Variants in FAM229B observed in about 807,000 individuals in gnomAD.
The protein encoded by FAM229B is protein FAM229B.
FAM229B carries 2 observed loss-of-function variants against 6.7 expected under a neutral mutation model. The ratio of observed to expected loss-of-function variants is 0.30; its 90% CI spans 0.12 to 0.94. The LOEUF (loss-of-function observed/expected upper bound fraction) is 0.94. Among genes scored for constraint, FAM229B ranks in the 40% least tolerant of loss-of-function variants. FAM229B has a pLI of 0.54. For missense variants in FAM229B, 93 were observed against 96.2 expected, an observed-to-expected ratio of 0.97 and a Z score of 0.14; for synonymous variants, 29 against 34.0, an observed-to-expected ratio of 0.85 and a Z score of 0.51.
intron 1 of FAM229B, among the ~76,000 whole-genome samples, chr6:112,088,684 TCTTAA>T (rs1777213734): frequency 6.6e-6 from 1 of 152,198 alleles, no homozygotes; most frequent in Admixed American, 6.5e-5. Context: ...CTGGATTTAT[TCTTAA>T]CTTCTTACTG....
rs180721761 is a variant in FAM229B, at chr6:112,098,676, A to G, written c.-14-594A>G. The stretch of plus-strand genomic sequence containing the variant: ...ATGAATAATCCCCTGGAACTGAAGG[A>G]TTAGCTAAAGATATCTTGGTGAATG... On this transcript the variant is annotated intron_variant, in intron 2 of 3. Transcript: ENST00000368656. 6.0e-4 allele frequency among the ~76,000 whole-genome samples: 91 copies of G among 152,330 alleles called. 3 individuals carry two copies. The East Asian group carries it at 0.014, about 23-fold the overall frequency.
At chr6:112,096,204 A>G (rs1335836681) in intron 1 of FAM229B, among the ~76,000 whole-genome samples, 2 of 152,296 alleles carry the variant, frequency 1.3e-5, no homozygotes, top group African/African-American at 4.8e-5. Flanking sequence ...AGTTAGAGAA[A>G]TGAGCAGAGA....
chr6:112,090,931 G>A (rs1234984129), intron 1 of FAM229B, among the ~76,000 whole-genome samples: 1 of 152,114 alleles, frequency 6.6e-6, no homozygotes, highest in Non-Finnish European at 1.5e-5. Flanking sequence ...ACCATGCTAT[G>A]TAATAGATCT....
chr6:112,094,441 C>T (rs1554318472), intron 1 of FAM229B, among the ~76,000 whole-genome samples: 4 of 152,050 alleles, frequency 2.6e-5, no homozygotes, highest in South Asian at 2.1e-4. Context: ...TTTTTATTGT[C>T]TTTACTAGCA....
intron 2 of FAM229B, 35 bp from the exon 3 acceptor site, chr6:112,099,235 A>T (rs1554318960): frequency 3.8e-6 from 6 of 1,573,800 alleles, no homozygotes; most frequent in Non-Finnish European, 5.2e-6. Flanking sequence ...TAATTTTCTA[A>T]TCTAGGTTTT....
rs1331738946 is a variant in FAM229B at position 112,097,206 on chromosome 6, GTCTATTTATCCTTGA to G, written c.-15+8_-15+22del. 11 of 152,190 alleles carry G rather than the reference GTCTATTTATCCTTGA, an allele frequency of 7.2e-5. No individual in the cohort carries two copies. The highest frequency in any genetic ancestry group is 2.7e-4 in the African/African-American group (11 of 41,448). 9.4% of individuals were successfully genotyped at this position (152,190 alleles called of 1,614,324 possible). A position where few individuals can be genotyped will look rare whatever the true frequency, so the allele number is the denominator to read the frequency against. Reference sequence around the variant, plus strand: ...AATCAGACTCAGCCTCTTTTGGTAAGTCTATTTATCCTTGATCAAATTAGCTAAATGTTAATACCT... The same window carrying G: ...AATCAGACTCAGCCTCTTTTGGTAAGTCAAATTAGCTAAATGTTAATACCT... On this transcript the variant is annotated splice_donor_region_variant and intron_variant, in intron 2 of 3. Coordinates refer to ENST00000368656, the MANE Select transcript of FAM229B (RefSeq NM_001033564.3).
intron 1 of FAM229B, among the ~76,000 whole-genome samples, chr6:112,089,030 C>CA (rs1375953350): frequency 1.1e-4 from 17 of 152,138 alleles, no homozygotes; most frequent in Non-Finnish European, 8.8e-5. Flanking sequence ...CCAGCCACTC[C>CA]AAAACTTCCG....
chr6:112,098,012 A>ACTC (rs1292874215), intron 2 of FAM229B, among the ~76,000 whole-genome samples: 1 of 152,054 alleles, frequency 6.6e-6, no homozygotes, highest in African/African-American at 2.4e-5. Context: ...GGAGAGGGGT[A>ACTC]CTCTTTGCAT....
intron 1 of FAM229B, among the ~76,000 whole-genome samples, chr6:112,091,707 T>G (rs1777259214): frequency 6.6e-6 from 1 of 152,106 alleles, no homozygotes; most frequent in Non-Finnish European, 1.5e-5. Context: ...AATTGCCAGA[T>G]ATGCAAAGAT....
intron 2 of FAM229B, 142 bp from the exon 3 acceptor site, chr6:112,099,125 TAAC>T: frequency 1.5e-6 from 1 of 671,304 alleles, no homozygotes; most frequent in African/African-American, 1.8e-5. Context: ...CACTGGTGAA[TAAC>T]CATTGCACTC....
At position 112,100,722 on chromosome 6, in the gene FAM229B, G is replaced by C; in HGVS notation, c.178G>C (p.Val60Leu). 6.2e-7 allele frequency: 1 copy of C among 1,613,954 alleles called. No individual in the cohort carries two copies. The highest frequency in any genetic ancestry group is 8.5e-7 in the Non-Finnish European group (1 of 1,179,938). Reference protein sequence around the residue: ...SHCLTITDVPVTVYATTRKPP... With the variant: ...SHCLTITDVPLTVYATTRKPP... The stretch of plus-strand genomic sequence containing the variant: ...TTGCCTGACAATAACTGATGTTCCC[G>C]TCACTGTTTATGCAACAACGAGAAA... Residue 60 changes from valine to leucine, a missense_variant, in exon 4 of 4, where the codon GTC becomes CTC. Coordinates refer to ENST00000368656, the MANE Select transcript of FAM229B (RefSeq NM_001033564.3).
chr6:112,095,656 A>C (rs1554318575), intron 1 of FAM229B, among the ~76,000 whole-genome samples: 7 of 140,732 alleles, frequency 5.0e-5, no homozygotes, highest in African/African-American at 1.4e-4. Flanking sequence ...AAAAAAAAAA[A>C]AAAACCAAAA....
intron 1 of FAM229B, among the ~76,000 whole-genome samples, chr6:112,094,104 A>G (rs1247849000): frequency 3.3e-5 from 5 of 152,160 alleles, no homozygotes; most frequent in African/African-American, 9.6e-5. Flanking sequence ...TTAGAAAAGA[A>G]GAAAGCACTA....
chr6:112,098,843 C>T (rs1777359034), intron 2 of FAM229B, among the ~76,000 whole-genome samples: 1 of 152,130 alleles, frequency 6.6e-6, no homozygotes, highest in Admixed American at 6.5e-5. Context: ...AGAGTATTTT[C>T]CTTGCGTTGC....
intron 1 of FAM229B, among the ~76,000 whole-genome samples, chr6:112,090,167 T>G (rs1777239302): frequency 6.6e-6 from 1 of 152,068 alleles, no homozygotes; most frequent in South Asian, 2.1e-4. Context: ...TCTGTAGCTT[T>G]TGTAAGTTGT....
chr6:112,099,511 C>CA (rs1426951959), intron 3 of FAM229B, 103 bp downstream of exon 3: 8 of 1,154,220 alleles, frequency 6.9e-6, no homozygotes, highest in Non-Finnish European at 3.6e-6. Flanking sequence ...CTCAGCAATT[C>CA]AAAAACATTG....
chr6:112,099,493 A>G (rs1373689408), intron 3 of FAM229B, 85 bp downstream of exon 3: 7 of 1,340,834 alleles, frequency 5.2e-6, no homozygotes, highest in Non-Finnish European at 7.1e-6. Context: ...TATTAGCAAG[A>G]AAAAACTCTC....
intron 1 of FAM229B, among the ~76,000 whole-genome samples, chr6:112,093,655 A>G (rs1297750275): frequency 1.3e-5 from 2 of 152,128 alleles, no homozygotes; most frequent in Admixed American, 1.3e-4. Flanking sequence ...CAAGTCATAC[A>G]ACGAATATTC....
intron 1 of FAM229B, among the ~76,000 whole-genome samples, chr6:112,095,750 C>T (rs587689442): frequency 7.2e-6 from 1 of 139,768 alleles, no homozygotes; most frequent in South Asian, 2.6e-4. Context: ...ACCTCTCAAA[C>T]ATGTAAACTA....
Sources: gnomAD v4.1 joint callset for allele counts (sites outside exome capture counted in the v4.1 genomes callset) on GRCh38, gnomAD v4.1.1 for gene constraint, MANE v1.5 for transcripts, NCBI Gene and HGNC (gene_info 2026-07-23, HGNC 2026-07-21) for gene names.